FAAH: variants seen among roughly 807,000 people sequenced by gnomAD.
FAAH encodes fatty acid amide hydrolase.
In FAAH, 63 loss-of-function variants were observed where a neutral mutation model predicts 69.7. The ratio of observed to expected loss-of-function variants is 0.90; its 90% CI spans 0.74 to 1.12. The LOEUF (loss-of-function observed/expected upper bound fraction) is 1.12, where lower values mean the gene tolerates loss of function less well. Ranked by LOEUF, FAAH falls within the 50% of genes most tolerant of loss-of-function variation. The probability of loss-of-function intolerance (pLI) is 0.00; values close to 1 mark genes in which losing one functional copy is unlikely to be tolerated. For synonymous variants in FAAH, 305 were observed against 324.2 expected (o/e 0.94, Z 0.64); for missense variants, 680 against 755.0 (o/e 0.90, Z 1.16).
intron 2 of FAAH, 117 bp downstream of exon 2, chr1:46,402,321 G>A: frequency 1.0e-5 from 9 of 891,746 alleles, no homozygotes; most frequent in Non-Finnish European, 1.6e-5. Flanking sequence ...CCTGGAGTTA[G>A]TCCTGCTGGG....
chr1:46,410,379 C>T lies in FAAH; in HGVS notation c.1176-19C>T, dbSNP rs201959954. The T allele has an allele frequency of 6.2e-5, 99 of 1,606,242 alleles. No homozygotes were observed. The highest frequency in any genetic ancestry group is 5.7e-4 in the South Asian group (52 of 90,914). ...GATGTGGGGATGGGAGTGCCTGGAC[C>T]GAGCATTTTGTTTCCCAGCAAAGGT... On this transcript the variant is annotated intron_variant, in intron 9 of 14. Transcript: ENST00000243167. This position sits in a 1 kb window ranked among gnomAD's most constrained non-coding sequence, Gnocchi z 4.9.
At chr1:46,396,390 C>A (rs1569802920) in intron 1 of FAAH, among the ~76,000 whole-genome samples, 1 of 152,294 alleles carries the variant, frequency 6.6e-6, no homozygotes. Flanking sequence ...TGCAAAGAGG[C>A]CTTCCTCTTT....
At chr1:46,398,121 G>A (rs569737901) in intron 1 of FAAH, among the ~76,000 whole-genome samples, 12 of 152,112 alleles carry the variant, frequency 7.9e-5, no homozygotes, top group Middle Eastern at 3.4e-3. Context: ...TTTTAGTAGA[G>A]ATGGGATTTC....
At chr1:46,413,344 C>T (rs1664951090) in intron 14 of FAAH, 103 bp from the exon 15 acceptor site, 2 of 1,608,540 alleles carry the variant, frequency 1.2e-6, no homozygotes, top group Admixed American at 3.4e-5. Flanking sequence ...AGGACTATGG[C>T]CTGGCCCTAC....
rs113637126 is a variant in FAAH, at chr1:46,408,414, T to C, written c.952-45T>C. ...TGATCTCTAGGGGTCCTGCCTAGGG[T>C]TGTCTTCTCCTGACCTGCCCCTGTC... On this transcript the variant is annotated intron_variant, in intron 7 of 14. Coordinates refer to ENST00000243167, the MANE Select transcript of FAAH (RefSeq NM_001441.3). 1.7e-3 allele frequency: 2,784 copies of C among 1,613,766 alleles called. 31 individuals carry two copies. In the East Asian group the frequency reaches 0.021, roughly 12 times the overall value.
intron 7 of FAAH, among the ~76,000 whole-genome samples, chr1:46,406,826 T>C (rs1664808175): frequency 6.6e-6 from 1 of 151,870 alleles, no homozygotes. Flanking sequence ...CAGGATGGTC[T>C]GGATCTCCTG....
At position 46,413,715 on chromosome 1, in the gene FAAH, GA is replaced by G. The variant is rs1176518397; in HGVS notation, c.*142del. The G allele has an allele frequency of 1.6e-6, 2 of 1,255,718 alleles. No homozygotes were observed. The highest frequency in any genetic ancestry group is 3.0e-5 in the African/African-American group (2 of 67,634). 77.8% of individuals were successfully genotyped at this position (1,255,718 alleles called of 1,614,324 possible). A position where few individuals can be genotyped will look rare whatever the true frequency, so the allele number is the denominator to read the frequency against. The stretch of plus-strand genomic sequence containing the variant: ...TGTCCTCTCCCCCAACCCCCTGCAA[GA>G]AGCGCCGACTCCCTGAGTCTGGACC... On this transcript the variant is annotated 3_prime_UTR_variant, in exon 15 of 15. Coordinates refer to ENST00000243167, the MANE Select transcript of FAAH (RefSeq NM_001441.3).
chr1:46,406,499 C>A, intron 7 of FAAH, 131 bp downstream of exon 7: 1 of 1,267,520 alleles, frequency 7.9e-7, no homozygotes, highest in Non-Finnish European at 1.1e-6. Context: ...GGGCGGGTTG[C>A]TCCTCCACAG....
intron 9 of FAAH, among the ~76,000 whole-genome samples, chr1:46,409,589 G>A (rs1016215142): frequency 1.1e-4 from 17 of 152,056 alleles, no homozygotes; most frequent in African/African-American, 4.1e-4. Context: ...TTTTTGAGCA[G>A]GACCTCAGCT....
rs1664764726 is a variant in FAAH, at chr1:46,405,026, A to G, written c.322A>G (p.Asn108Asp). Residue 108 changes from asparagine to aspartate, a missense_variant, in exon 3 of 15, where the codon AAC becomes GAC. Coordinates refer to ENST00000243167, the MANE Select transcript of FAAH (RefSeq NM_001441.3). The surrounding 1 kb of genome is among the most constrained non-coding windows in gnomAD (Gnocchi z 4.1). The stretch of plus-strand genomic sequence containing the variant: ...TCCCCTTCCTCAGGCCTGGGAAGTG[A>G]ACAAAGGGACCAACTGTGTGACCTC... ...FTYVGKAWEV[N>D]KGTNCVTSYL... is the part of the protein sequence containing the mutation. 1.2e-6 allele frequency: 2 copies of G among 1,614,132 alleles called. No individual in the cohort carries two copies. Among genetic ancestry groups the G allele is most frequent in the East Asian group, 4.5e-5 (2 of 44,892 alleles).
intron 14 of FAAH, 47 bp from the exon 15 acceptor site, chr1:46,413,400 G>A: frequency 1.2e-6 from 2 of 1,613,660 alleles, no homozygotes. Context: ...CTGGGGGTGG[G>A]GAGTCCTGCC....
chr1:46,397,428 G>C (rs1664615469), intron 1 of FAAH, among the ~76,000 whole-genome samples: 1 of 152,228 alleles, frequency 6.6e-6, no homozygotes, highest in Non-Finnish European at 1.5e-5. Context: ...GCTCTTTCAG[G>C]AGGAGAAGCG....
chr1:46,397,109 G>A (rs1203989642), intron 1 of FAAH, among the ~76,000 whole-genome samples: 4 of 152,216 alleles, frequency 2.6e-5, no homozygotes, highest in African/African-American at 4.8e-5. Flanking sequence ...CTGGCTGGGC[G>A]CTGGAGGTCC....
At chr1:46,402,334 C>A (rs1664718995) in intron 2 of FAAH, 130 bp downstream of exon 2, 1 of 805,012 alleles carries the variant, frequency 1.2e-6, no homozygotes, top group Non-Finnish European at 2.1e-6. Flanking sequence ...CTGCTGGGGG[C>A]CATGGTGGGA....
chr1:46,398,197 A>C (rs948545845), intron 1 of FAAH, among the ~76,000 whole-genome samples: 3 of 152,118 alleles, frequency 2.0e-5, no homozygotes, highest in Non-Finnish European at 4.4e-5. Flanking sequence ...GGCTTCCCAA[A>C]GTGTTGGGAT....
Position 46,410,664 on chromosome 1 carries a change from T to C in FAAH, c.1276-150T>C, listed in dbSNP as rs1465689280. ...TGCTCTCCTCCTCTGTCCCCTGCGA[T>C]CTTCAGCCAACCCGCATGCTGAAAG... On this transcript the variant is annotated intron_variant, in intron 10 of 14. Coordinates refer to ENST00000243167, the MANE Select transcript of FAAH (RefSeq NM_001441.3). The surrounding 1 kb of genome is among the most constrained non-coding windows in gnomAD (Gnocchi z 4.9). The C allele has an allele frequency of 3.5e-6, 4 of 1,139,214 alleles. No homozygotes were observed. Among genetic ancestry groups the C allele is most frequent in the Admixed American group, 3.5e-5 (2 of 57,276 alleles). The allele number at this position is 1,139,214 out of a possible 1,614,324, so 70.6% of individuals were successfully genotyped here.
At chr1:46,403,483 C>T (rs1664739780) in intron 2 of FAAH, among the ~76,000 whole-genome samples, 1 of 152,262 alleles carries the variant, frequency 6.6e-6, no homozygotes, top group South Asian at 2.1e-4. Context: ...CATGCCCAAG[C>T]ACCAGCCTCC....
At position 46,406,900 on chromosome 1, in the gene FAAH, C is replaced by A. The variant is rs45590035; in HGVS notation, c.951+532C>A. On this transcript the variant is annotated intron_variant, in intron 7 of 14. Transcript: ENST00000243167. ...GGATTACAGGCTTGAGTTACCGCGCCGGCCGGAAATCCACAGGCTTTCAAA... is the reference window on the plus strand; with the variant it reads ...GGATTACAGGCTTGAGTTACCGCGCAGGCCGGAAATCCACAGGCTTTCAAA... Among the ~76,000 whole-genome samples the A allele has an allele frequency of 2.5e-3, 373 of 152,156 alleles. 3 individuals are homozygous for A. The highest frequency in any genetic ancestry group is 8.7e-3 in the African/African-American group (363 of 41,562).
At chr1:46,413,264 G>C (rs745806940) in intron 14 of FAAH, 44 bp downstream of exon 14, 1 of 1,613,620 alleles carries the variant, frequency 6.2e-7, no homozygotes, top group Non-Finnish European at 8.5e-7. Flanking sequence ...TCCCCACCCT[G>C]ACTCTGGCCG....
Sources: gnomAD v4.1 joint callset for allele counts (sites outside exome capture counted in the v4.1 genomes callset) on GRCh38, gnomAD v4.1.1 for gene constraint, Gnocchi (gnomAD v3.1) non-coding constraint, MANE v1.5 for transcripts, NCBI Gene and HGNC (gene_info 2026-07-23, HGNC 2026-07-21) for gene names.